Variants in SLC16A7 observed in about 807,000 individuals in gnomAD.
The protein encoded by SLC16A7 is solute carrier family 16 member 7.
In SLC16A7, 33 loss-of-function variants were observed where a neutral mutation model predicts 34.9. The observed-to-expected ratio is 0.94, with a 90% CI of 0.72 to 1.26. SLC16A7 has a LOEUF of 1.26. SLC16A7 is among the 50% of genes most tolerant of loss of function. The probability of loss-of-function intolerance (pLI) is 0.00; values close to 1 mark genes in which losing one functional copy is unlikely to be tolerated. For missense variants in SLC16A7, 573 were observed against 578.1 expected (o/e 0.99, Z 0.09); for synonymous variants, 201 against 206.6 (o/e 0.97, Z 0.23).
chr12:59,742,332 G>A lies in SLC16A7; in HGVS notation c.218-28887G>A, dbSNP rs1281825478. On this transcript the variant is annotated intron_variant, in intron 3 of 5. Coordinates refer to ENST00000547379, the MANE Select transcript of SLC16A7 (RefSeq NM_001270623.2). ...AACAGCTCTGGATCATCAGGAAATT[G>A]TCTCTCCCTGGTGGCCTAGGTGGGG... 2.6e-5 allele frequency among the ~76,000 whole-genome samples: 4 copies of A among 152,136 alleles called. No homozygotes were observed. The East Asian group carries it at 7.7e-4, about 29-fold the overall frequency.
At chr12:59,628,830 C>T (rs1880050664) in intron 1 of SLC16A7, among the ~76,000 whole-genome samples, 1 of 151,734 alleles carries the variant, frequency 6.6e-6, no homozygotes, top group Non-Finnish European at 1.5e-5. Flanking sequence ...TAGAAATAAT[C>T]CCTTAAGACT....
At chr12:59,713,170 C>T (rs1187551179) in intron 3 of SLC16A7, among the ~76,000 whole-genome samples, 19 of 152,036 alleles carry the variant, frequency 1.2e-4, no homozygotes, top group African/African-American at 2.7e-4. Context: ...CAGGCACCCA[C>T]GACCACACCC....
intron 1 of SLC16A7, among the ~76,000 whole-genome samples, chr12:59,648,636 G>T (rs185960396): frequency 3.5e-4 from 54 of 152,244 alleles, no homozygotes; most frequent in Admixed American, 3.2e-3. Flanking sequence ...GCTAAAAAGG[G>T]CTCATAGTTT....
At chr12:59,664,583 A>C (rs1869041211) in intron 2 of SLC16A7, 1 of 152,186 alleles carries the variant, frequency 6.6e-6, no homozygotes, top group Non-Finnish European at 1.5e-5. Flanking sequence ...ATGCATATTA[A>C]ATCACGCAAT....
chr12:59,687,899 G>A (rs1871281558), intron 2 of SLC16A7, among the ~76,000 whole-genome samples: 1 of 152,096 alleles, frequency 6.6e-6, no homozygotes. Context: ...AAAGTCAATG[G>A]ATGGGGGCTA....
At position 59,775,434 on chromosome 12, in the gene SLC16A7, T is replaced by G; in HGVS notation, c.1139T>G (p.Ile380Ser). Residue 380 changes from isoleucine to serine, a missense_variant, in exon 5 of 6, where the codon ATT becomes AGT. Physicochemically the swap from Ile to Ser is moderately radical, Grantham distance 142. Coordinates refer to ENST00000547379, the MANE Select transcript of SLC16A7 (RefSeq NM_001270623.2). ...TCCAGTGCCGTCGGACTTGTCACAATTGTGGAGTGTGGCCCAGTTCTTCTT... is the reference window on the plus strand; with the variant it reads ...TCCAGTGCCGTCGGACTTGTCACAAGTGTGGAGTGTGGCCCAGTTCTTCTT... ...RFSSAVGLVT[I>S]VECGPVLLGP... is the part of the protein sequence containing the mutation. 1 of 1,614,084 alleles carries G rather than the reference T, an allele frequency of 6.2e-7. No homozygotes were observed. Among genetic ancestry groups the G allele is most frequent in the Non-Finnish European group, 8.5e-7 (1 of 1,179,968 alleles).
chr12:59,640,632 G>C (rs1197839580), intron 1 of SLC16A7, among the ~76,000 whole-genome samples: 3 of 151,920 alleles, frequency 2.0e-5, no homozygotes. Context: ...CCATGTGTTT[G>C]CAATTGTGTA....
At chr12:59,756,615 G>A (rs531083661) in intron 3 of SLC16A7, among the ~76,000 whole-genome samples, 1 of 149,774 alleles carries the variant, frequency 6.7e-6, no homozygotes, top group South Asian at 2.2e-4. Context: ...AACAGGTGCT[G>A]GAGAGGATGT....
chr12:59,762,844 T>C lies in SLC16A7; in HGVS notation c.218-8375T>C, dbSNP rs568854010. Among the ~76,000 whole-genome samples the C allele has an allele frequency of 3.3e-3, 498 of 151,674 alleles. 1 individual carries two copies. The highest frequency in any genetic ancestry group is 4.2e-3 in the Non-Finnish European group (288 of 67,850). ...TCTCAAAAAAAAAAAAATCTGATGCTCAGTATCAATCATTTAAAAATAAAT... is the reference window on the plus strand; with the variant it reads ...TCTCAAAAAAAAAAAAATCTGATGCCCAGTATCAATCATTTAAAAATAAAT... On this transcript the variant is annotated intron_variant, in intron 3 of 5. Coordinates refer to ENST00000547379, the MANE Select transcript of SLC16A7 (RefSeq NM_001270623.2).
At chr12:59,696,497 A>G (rs1443634952) in intron 2 of SLC16A7, 1 of 152,040 alleles carries the variant, frequency 6.6e-6, no homozygotes, top group Non-Finnish European at 1.5e-5. Flanking sequence ...ATCCAAAGAA[A>G]TCTGTTCAAG....
chr12:59,633,376 A>G (rs181955929), intron 1 of SLC16A7, among the ~76,000 whole-genome samples: 2 of 152,128 alleles, frequency 1.3e-5, no homozygotes, highest in East Asian at 1.9e-4. Context: ...TGAGATCACA[A>G]AGCCACATTG....
chr12:59,721,344 T>C (rs1270260872), intron 3 of SLC16A7, among the ~76,000 whole-genome samples: 3 of 151,966 alleles, frequency 2.0e-5, no homozygotes, highest in Middle Eastern at 3.2e-3. Context: ...CTTTACCTTC[T>C]TTCCTGTATC....
At chr12:59,636,186 A>G (rs548522820) in intron 1 of SLC16A7, among the ~76,000 whole-genome samples, 1 of 152,230 alleles carries the variant, frequency 6.6e-6, no homozygotes, top group East Asian at 1.9e-4. Flanking sequence ...ACCTGTTTAC[A>G]CTTACGATAT....
Position 59,774,180 on chromosome 12 carries a change from G to T in SLC16A7, c.362-477G>T, listed in dbSNP as rs186148489. 3.7e-4 allele frequency among the ~76,000 whole-genome samples: 56 copies of T among 152,260 alleles called. 3 individuals carry two copies. Among genetic ancestry groups the T allele is most frequent in the African/African-American group, 1.3e-3 (53 of 41,562 alleles). Reference sequence around the variant, plus strand: ...AATGTTTGTGGGGAGACATAAGATTGTTACAAATTACGACCTTTTTAGTCT... The same window carrying T: ...AATGTTTGTGGGGAGACATAAGATTTTTACAAATTACGACCTTTTTAGTCT... On this transcript the variant is annotated intron_variant, in intron 4 of 5. Transcript: ENST00000547379.
intron 2 of SLC16A7, among the ~76,000 whole-genome samples, chr12:59,661,973 A>T (rs1868875449): frequency 6.6e-6 from 1 of 152,028 alleles, no homozygotes. Context: ...AGTACTACTC[A>T]GTGAATGTTA....
chr12:59,738,192 A>G (rs1424001465), intron 3 of SLC16A7, among the ~76,000 whole-genome samples: 1 of 152,182 alleles, frequency 6.6e-6, no homozygotes, highest in Non-Finnish European at 1.5e-5. Context: ...GGGTGGTTTC[A>G]GTTTTGATTT....
At chr12:59,768,199 T>C (rs1245749259) in intron 3 of SLC16A7, 4 of 455,714 alleles carry the variant, frequency 8.8e-6, no homozygotes, top group African/African-American at 8.0e-5. Context: ...GATTTGCTAT[T>C]CTAGATAACA....
At chr12:59,738,581 T>TGG (rs1877883213) in intron 3 of SLC16A7, among the ~76,000 whole-genome samples, 2 of 152,208 alleles carry the variant, frequency 1.3e-5, no homozygotes, top group African/African-American at 4.8e-5. Context: ...TCCTACCCTT[T>TGG]GCTGGCATTT....
chr12:59,734,851 A>C (rs1387073083), intron 3 of SLC16A7, among the ~76,000 whole-genome samples: 1 of 152,252 alleles, frequency 6.6e-6, no homozygotes, highest in Non-Finnish European at 1.5e-5. Flanking sequence ...GAGTAGTTTC[A>C]TTAGGTATAT....
Sources: gnomAD v4.1 joint callset for allele counts (sites outside exome capture counted in the v4.1 genomes callset) on GRCh38, gnomAD v4.1.1 for gene constraint, MANE v1.5 for transcripts, NCBI Gene and HGNC (gene_info 2026-07-23, HGNC 2026-07-21) for gene names.